GRID2: variants seen among roughly 807,000 people sequenced by gnomAD.
GRID2 encodes the protein glutamate receptor ionotropic, delta-2.
In GRID2, 33 loss-of-function variants were observed where a neutral mutation model predicts 114.8. The ratio of observed to expected loss-of-function variants is 0.29; its 90% CI spans 0.22 to 0.38. The LOEUF (loss-of-function observed/expected upper bound fraction) is 0.38, where lower values mean the gene tolerates loss of function less well. GRID2 is among the 10% of genes least tolerant of loss of function. The pLI, the probability that GRID2 is intolerant of heterozygous loss-of-function variation, is 1.00. For missense variants in GRID2, 1,184 were observed against 1,257.7 expected, an observed-to-expected ratio of 0.94 and a Z score of 0.89; for synonymous variants, 505 against 449.9, an observed-to-expected ratio of 1.12 and a Z score of -1.55.
At chr4:92,856,762 T>A (rs1376072064) in intron 2 of GRID2, among the ~76,000 whole-genome samples, 1 of 152,172 alleles carries the variant, frequency 6.6e-6, no homozygotes, top group Non-Finnish European at 1.5e-5. Context: ...GTAGTTGGTT[T>A]TATGTACGGA....
chr4:93,452,488 G>A (rs1263177536), intron 10 of GRID2, among the ~76,000 whole-genome samples: 1 of 152,038 alleles, frequency 6.6e-6, no homozygotes, highest in Non-Finnish European at 1.5e-5. Context: ...TCTTTTAATG[G>A]GAAATCTAGT....
intron 2 of GRID2, among the ~76,000 whole-genome samples, chr4:92,943,291 A>T (rs1751325037): frequency 6.6e-6 from 1 of 151,702 alleles, no homozygotes; most frequent in Non-Finnish European, 1.5e-5. Flanking sequence ...TTTTCTCTGA[A>T]CTTCTCTTCT....
At chr4:93,175,901 A>G (rs1739308492) in intron 4 of GRID2, among the ~76,000 whole-genome samples, 1 of 152,144 alleles carries the variant, frequency 6.6e-6, no homozygotes, top group African/African-American at 2.4e-5. Flanking sequence ...GGATAAATAG[A>G]TTTTCAGGGC....
rs370279108 is a variant in GRID2, at chr4:92,707,515, A to G, written c.244+117229A>G. Among the ~76,000 whole-genome samples, 163 of 152,332 alleles carry G rather than the reference A, an allele frequency of 1.1e-3. 4 individuals carry two copies. In the South Asian group the frequency reaches 0.031, roughly 29 times the overall value. On this transcript the variant is annotated intron_variant, in intron 2 of 15. Coordinates refer to ENST00000282020, the MANE Select transcript of GRID2 (RefSeq NM_001510.4). The stretch of plus-strand genomic sequence containing the variant: ...CAAATATGAAATAATTCACTCCTCT[A>G]GAGAGTTGATATTCTAGTGGGAGAG...
intron 3 of GRID2, among the ~76,000 whole-genome samples, chr4:93,089,031 T>C (rs951354853): frequency 2.6e-5 from 4 of 152,130 alleles, no homozygotes; most frequent in African/African-American, 7.2e-5. Flanking sequence ...CTCCTCATAA[T>C]AGCCCTTTGT....
intron 2 of GRID2, among the ~76,000 whole-genome samples, chr4:92,910,920 T>A (rs1031200511): frequency 1.1e-4 from 17 of 148,406 alleles, no homozygotes; most frequent in African/African-American, 4.3e-4. Flanking sequence ...ATATTTTCCA[T>A]CTATGAATTC....
intron 3 of GRID2, among the ~76,000 whole-genome samples, chr4:93,102,435 C>G (rs577683241): frequency 6.6e-6 from 1 of 152,010 alleles, no homozygotes; most frequent in South Asian, 2.1e-4. Flanking sequence ...CCCATATTCA[C>G]AAAAACAAAG....
intron 1 of GRID2, among the ~76,000 whole-genome samples, chr4:92,579,470 C>G (rs926587584): frequency 2.6e-5 from 4 of 152,048 alleles, no homozygotes; most frequent in Non-Finnish European, 2.9e-5. Context: ...TTCTCTTTCC[C>G]TAACACATTA....
At chr4:92,868,969 C>G (rs1430760642) in intron 2 of GRID2, among the ~76,000 whole-genome samples, 1 of 152,082 alleles carries the variant, frequency 6.6e-6, no homozygotes, top group African/African-American at 2.4e-5. Flanking sequence ...AGGTCCCTGT[C>G]TATGACATCT....
intron 12 of GRID2, 141 bp downstream of exon 12, chr4:93,490,918 A>G: frequency 1.7e-6 from 1 of 579,100 alleles, no homozygotes; most frequent in Non-Finnish European, 3.0e-6. Flanking sequence ...TGTTACTGCA[A>G]AGTATCACTG....
At chr4:92,647,258 G>A (rs1164615306) in intron 2 of GRID2, among the ~76,000 whole-genome samples, 6 of 152,272 alleles carry the variant, frequency 3.9e-5, no homozygotes, top group African/African-American at 1.4e-4. Context: ...TTGGAATGGT[G>A]TCAACCACAC....
intron 1 of GRID2, among the ~76,000 whole-genome samples, chr4:92,349,281 T>A (rs558883799): frequency 7.9e-5 from 12 of 152,092 alleles, no homozygotes; most frequent in African/African-American, 2.9e-4. Flanking sequence ...GGACTAAAAA[T>A]GACTAAAAGT....
chr4:93,435,862 C>T (rs1721031648), intron 10 of GRID2, among the ~76,000 whole-genome samples: 1 of 152,052 alleles, frequency 6.6e-6, no homozygotes, highest in Non-Finnish European at 1.5e-5. Context: ...GTCTGGAGTT[C>T]GGGTAAGGAT....
intron 2 of GRID2, among the ~76,000 whole-genome samples, chr4:92,885,726 G>A (rs2149462959): frequency 6.6e-6 from 1 of 152,190 alleles, no homozygotes; most frequent in Admixed American, 6.5e-5. Flanking sequence ...GAATGAAGTT[G>A]TCTTCTTCAC....
At chr4:93,239,276 TATATC>T (rs1579389436) in intron 8 of GRID2, among the ~76,000 whole-genome samples, 1 of 149,598 alleles carries the variant, frequency 6.7e-6, no homozygotes, top group Non-Finnish European at 1.5e-5. Context: ...ATCATATAAA[TATATC>T]AAATCATATG....
chr4:93,022,066 G>A (rs1003739520), intron 2 of GRID2, among the ~76,000 whole-genome samples: 1 of 151,436 alleles, frequency 6.6e-6, no homozygotes, highest in Admixed American at 6.6e-5. Flanking sequence ...TTAAATGAAT[G>A]CCCTCCAAAC....
chr4:93,073,256 C>G (rs562949359), intron 2 of GRID2, among the ~76,000 whole-genome samples: 2 of 152,302 alleles, frequency 1.3e-5, no homozygotes, highest in South Asian at 4.1e-4. Context: ...GTACCGTGGA[C>G]TGAGCTCTGC....
intron 8 of GRID2, among the ~76,000 whole-genome samples, chr4:93,260,765 A>C (rs1046842313): frequency 6.6e-6 from 1 of 151,796 alleles, no homozygotes; most frequent in Non-Finnish European, 1.5e-5. Context: ...ATTCACTTAT[A>C]GTGAATTTAG....
chr4:92,902,274 A>G (rs1747635065), intron 2 of GRID2, among the ~76,000 whole-genome samples: 1 of 152,010 alleles, frequency 6.6e-6, no homozygotes, highest in Non-Finnish European at 1.5e-5. Context: ...GCATTTCTCT[A>G]GTATCAGTTG....
Sources: gnomAD v4.1 joint callset for allele counts (sites outside exome capture counted in the v4.1 genomes callset) on GRCh38, gnomAD v4.1.1 for gene constraint, MANE v1.5 for transcripts, NCBI Gene and HGNC (gene_info 2026-07-23, HGNC 2026-07-21) for gene names.